The following ACBD6 variants were observed in gnomAD, a reference collection of about 807,000 sequenced individuals.
The protein encoded by ACBD6 is acyl-CoA binding domain containing 6.
ACBD6 carries 28 observed loss-of-function variants against 37.2 expected under a neutral mutation model. The observed-to-expected ratio is 0.75, with a 90% CI of 0.56 to 1.03. The LOEUF (loss-of-function observed/expected upper bound fraction) is 1.03, where lower values mean the gene tolerates loss of function less well. Among genes scored for constraint, ACBD6 ranks in the 50% least tolerant of loss-of-function variants. The probability of loss-of-function intolerance (pLI) is 0.00; values close to 1 mark genes in which losing one functional copy is unlikely to be tolerated. For synonymous variants in ACBD6, 113 were observed against 126.8 expected, an observed-to-expected ratio of 0.89 and a Z score of 0.73; for missense variants, 340 against 337.4, an observed-to-expected ratio of 1.01 and a Z score of -0.06.
intron 1 of ACBD6, among the ~76,000 whole-genome samples, chr1:180,497,261 A>G (rs1389632221): frequency 2.0e-5 from 3 of 152,238 alleles, no homozygotes; most frequent in Non-Finnish European, 4.4e-5. Context: ...AGCTGGACAC[A>G]TGATCATCCG....
intron 3 of ACBD6, among the ~76,000 whole-genome samples, chr1:180,440,505 T>C (rs970868249): frequency 2.0e-5 from 3 of 152,228 alleles, no homozygotes; most frequent in African/African-American, 7.2e-5. Flanking sequence ...TGACATTTAA[T>C]ACATTCACAA....
At chr1:180,391,981 C>T (rs560897238) in intron 6 of ACBD6, among the ~76,000 whole-genome samples, 1 of 152,166 alleles carries the variant, frequency 6.6e-6, no homozygotes, top group Non-Finnish European at 1.5e-5. Flanking sequence ...AATAAGGGAA[C>T]AATTGATACA....
Position 180,349,580 on chromosome 1 carries a change from T to A in ACBD6, c.664-34858A>T, listed in dbSNP as rs201816725. On this transcript the variant is annotated intron_variant, in intron 6 of 7. Transcript: ENST00000367595. ...TTTTAATTTCTTTAGTATAAAAAAA[T>A]AAATAAAATTTTTTTTAGTATAATA... 2.4e-3 allele frequency among the ~76,000 whole-genome samples: 20 copies of A among 8,266 alleles called. No homozygotes were observed. In the East Asian group the frequency reaches 0.052, roughly 21 times the overall value. The allele number at this position is 8,266 out of a possible 152,430, so 5.4% of individuals were successfully genotyped here.
At chr1:180,376,005 G>C (rs1653418156) in intron 6 of ACBD6, among the ~76,000 whole-genome samples, 1 of 152,068 alleles carries the variant, frequency 6.6e-6, no homozygotes, top group South Asian at 2.1e-4. Flanking sequence ...CCAAAAACCT[G>C]ATAGAAAAAT....
chr1:180,463,519 C>T (rs1650229738), intron 3 of ACBD6, among the ~76,000 whole-genome samples: 1 of 151,858 alleles, frequency 6.6e-6, no homozygotes, highest in Non-Finnish European at 1.5e-5. Flanking sequence ...AAACTGAATC[C>T]CTAAAAAGAC....
At chr1:180,490,931 C>A (rs1213149211) in intron 3 of ACBD6, among the ~76,000 whole-genome samples, 1 of 138,004 alleles carries the variant, frequency 7.2e-6, no homozygotes, top group African/African-American at 2.7e-5. Context: ...GTGCTCCAGT[C>A]TGAGTGATAG....
rs572248624 is a variant in ACBD6 at position 180,339,725 on chromosome 1, G to A, written c.664-25003C>T. On this transcript the variant is annotated intron_variant, in intron 6 of 7. Coordinates refer to ENST00000367595, the MANE Select transcript of ACBD6 (RefSeq NM_032360.4). ...AATACTTATTGAGTATCAACTACGT[G>A]TTAGGCACTGTTCTAAGGACAGCAA... Among the ~76,000 whole-genome samples the A allele has an allele frequency of 3.9e-5, 6 of 152,014 alleles. No homozygotes were observed. In the South Asian group the frequency reaches 1.2e-3, roughly 32 times the overall value.
At chr1:180,274,726 C>T (rs1648923247) in exon 10 of ACBD6, 9 of 933,230 alleles carry the variant, frequency 9.6e-6, no homozygotes, top group African/African-American at 8.3e-5. Flanking sequence ...TCCTAGAAGG[C>T]TGTGAGACCA....
Position 180,271,954 on chromosome 1 carries a change from G to GGAGAGC in ACBD6, c.*1265_*1270dup, listed in dbSNP as rs775033463. 5.0e-6 allele frequency: 8 copies of GGAGAGC among 1,613,226 alleles called. No homozygotes were observed. Among genetic ancestry groups the GGAGAGC allele is most frequent in the Non-Finnish European group, 6.8e-6 (8 of 1,179,896 alleles). ...GCCGGGGCAGCAGCAAGCAGGAGAA[G>GGAGAGC]GAGAGCTCTGCAGAGGACTGTGGGG... On this transcript the variant is annotated 3_prime_UTR_variant, in exon 14 of 14. Coordinates refer to the ACBD6 transcript ENST00000642319.
At chr1:180,482,770 A>T (rs563582890) in intron 3 of ACBD6, among the ~76,000 whole-genome samples, 4 of 152,300 alleles carry the variant, frequency 2.6e-5, no homozygotes, top group South Asian at 2.1e-4. Context: ...TTAAAAGAAG[A>T]ATTTAGAGCT....
intron 3 of ACBD6, among the ~76,000 whole-genome samples, chr1:180,464,081 A>T (rs1474437451): frequency 2.0e-5 from 3 of 152,140 alleles, no homozygotes; most frequent in Non-Finnish European, 4.4e-5. Context: ...TCTATGACAA[A>T]CCCACAGCCA....
intron 6 of ACBD6, among the ~76,000 whole-genome samples, chr1:180,347,042 AC>A: frequency 6.6e-6 from 1 of 151,996 alleles, no homozygotes; most frequent in East Asian, 1.9e-4. Flanking sequence ...ACAAAACAAA[AC>A]AAAACAAAAA....
chr1:180,435,068 T>A, intron 3 of ACBD6: 1 of 818,566 alleles, frequency 1.2e-6, no homozygotes, highest in South Asian at 1.3e-5. Context: ...AGCTTGCACA[T>A]GATCTGAAGC....
At chr1:180,309,362 A>G (rs147763058) in intron 7 of ACBD6, among the ~76,000 whole-genome samples, 1 of 152,356 alleles carries the variant, frequency 6.6e-6, no homozygotes, top group Non-Finnish European at 1.5e-5. Context: ...ACTTAAATGG[A>G]CACATTCCTA....
At chr1:180,357,536 A>C (rs1186370446) in intron 6 of ACBD6, among the ~76,000 whole-genome samples, 1 of 152,260 alleles carries the variant, frequency 6.6e-6, no homozygotes, top group Non-Finnish European at 1.5e-5. Context: ...TCAGATAAGC[A>C]TGAAGAAATC....
intron 6 of ACBD6, among the ~76,000 whole-genome samples, chr1:180,341,320 A>G (rs572784077): frequency 6.6e-5 from 10 of 152,288 alleles, no homozygotes; most frequent in African/African-American, 2.4e-4. Flanking sequence ...AAGAATATGG[A>G]TAAGAGAAAA....
intron 6 of ACBD6, among the ~76,000 whole-genome samples, chr1:180,389,427 G>A (rs1229553162): frequency 6.6e-6 from 1 of 152,146 alleles, no homozygotes; most frequent in Non-Finnish European, 1.5e-5. Context: ...TTGGTTCCAA[G>A]TCTTTGCTAT....
chr1:180,305,864 G>T (rs1298025541), intron 7 of ACBD6, among the ~76,000 whole-genome samples: 1 of 151,240 alleles, frequency 6.6e-6, no homozygotes, highest in Non-Finnish European at 1.5e-5. Flanking sequence ...AATGTGCAAC[G>T]ATAGACAGGA....
intron 6 of ACBD6, among the ~76,000 whole-genome samples, chr1:180,370,527 T>C (rs1653223018): frequency 6.6e-6 from 1 of 152,170 alleles, no homozygotes; most frequent in South Asian, 2.1e-4. Context: ...CAACACAAAG[T>C]GGACAATGAA....
Sources: gnomAD v4.1 joint callset for allele counts (sites outside exome capture counted in the v4.1 genomes callset) on GRCh38, gnomAD v4.1.1 for gene constraint, MANE v1.5 for transcripts, NCBI Gene and HGNC (gene_info 2026-07-23, HGNC 2026-07-21) for gene names.